GPAT2: variants seen among roughly 807,000 people sequenced by gnomAD.
GPAT2 encodes the protein 1-acylglycerol-3-phosphate O-acyltransferase GPAT2.
GPAT2 carries 51 observed loss-of-function variants against 71.0 expected under a neutral mutation model. The ratio of observed to expected loss-of-function variants is 0.72; its 90% CI spans 0.57 to 0.91. GPAT2 has a LOEUF of 0.91. Among genes scored for constraint, GPAT2 ranks in the 40% least tolerant of loss-of-function variants. The pLI, the probability that GPAT2 is intolerant of heterozygous loss-of-function variation, is 0.00. For synonymous variants in GPAT2, 222 were observed against 290.3 expected (o/e 0.76, Z 2.39); for missense variants, 511 against 666.0 (o/e 0.77, Z 2.56).
Position 96,022,175 on chromosome 2 carries a change from T to G in GPAT2, c.2390A>C (p.Gln797Pro). Residue 797 changes from glutamine to proline, a missense_variant, in exon 22 of 22, where the codon CAG becomes CCG. By Grantham distance (76) the Gln-to-Pro change is moderately conservative (BLOSUM62 -1). Coordinates refer to ENST00000434632, the MANE Select transcript of GPAT2 (RefSeq NM_001321527.2). ...CTCACAGTTCTAGCTACAAATGAAC[T>G]GCCGGATGAACTGTTCTAGTTTTTC... is the stretch of plus-strand genomic sequence containing the variant. ...NQEKLEQFIRQFICS is the reference protein window; with the variant it reads ...NQEKLEQFIRPFICS 2 of 1,610,832 alleles carry G rather than the reference T, an allele frequency of 1.2e-6. No individual in the cohort carries two copies. Among genetic ancestry groups the G allele is most frequent in the Middle Eastern group, 4.5e-4 (2 of 4,464 alleles).
At chr2:96,023,722 G>A in intron 17 of GPAT2, 1 of 1,051,034 alleles carries the variant, frequency 9.5e-7, no homozygotes, top group Non-Finnish European at 1.4e-6. Context: ...GAGACACACA[G>A]AACCGGGGCA....
chr2:96,022,397 T>C (rs1241860819), intron 21 of GPAT2, 122 bp from the exon 22 acceptor site: 1 of 1,239,302 alleles, frequency 8.1e-7, no homozygotes, highest in Non-Finnish European at 1.1e-6. Context: ...GACCTCAATG[T>C]TTGCGTGCAA....
rs561731912 is a variant in GPAT2, at chr2:96,022,173, A to C, written c.2392T>G (p.Phe798Val). ...QEKLEQFIRQ[F>V]ICS ...TCCTCACAGTTCTAGCTACAAATGA[A>C]CTGCCGGATGAACTGTTCTAGTTTT... The change falls in exon 22 of 22, where the codon TTC becomes GTC. Residue 798 changes from phenylalanine to valine, a missense_variant. Around this residue, in one of 7 missense-constraint regions of GPAT2, gnomAD observed 108 missense variants for 117.6 expected, o/e 0.92. Transcript: ENST00000434632. The C allele has an allele frequency of 6.2e-7, 1 of 1,610,858 alleles. No individual in the cohort carries two copies. The highest frequency in any genetic ancestry group is 8.5e-7 in the Non-Finnish European group (1 of 1,179,348).
At position 96,024,851 on chromosome 2, in the gene GPAT2, G is replaced by C; in HGVS notation, c.1358-8C>G. On this transcript the variant is annotated splice_region_variant and splice_polypyrimidine_tract_variant and intron_variant, in intron 13 of 21. Coordinates refer to ENST00000434632, the MANE Select transcript of GPAT2 (RefSeq NM_001321527.2). ...CAGAGCTCCCTACACTGGCTGGAGT[G>C]GGGCGGGGGGTGGAGATGCTGGTCA... is the stretch of plus-strand genomic sequence containing the variant. 8.1e-6 allele frequency: 13 copies of C among 1,612,444 alleles called. No individual in the cohort carries two copies. Among genetic ancestry groups the C allele is most frequent in the Non-Finnish European group, 1.0e-5 (12 of 1,179,926 alleles).
chr2:96,026,267 A>G lies in GPAT2; in HGVS notation c.1071T>C (p.Ala357=). 6.2e-7 allele frequency: 1 copy of G among 1,601,992 alleles called. No homozygotes were observed. The highest frequency in any genetic ancestry group is 8.5e-7 in the Non-Finnish European group (1 of 1,175,400). ...AGCGGCTCCACAAGCTACGTAGGAC[A>G]GCCAGAGCTCCTGTCCACAGCCCCA... ...APLGLWTGAL[A]VLRSLWSRWG... Residue 357 remains alanine (A), a synonymous_variant, in exon 11 of 22, where the codon GCT becomes GCC. Transcript: ENST00000434632.
rs191366867 is a variant in GPAT2 at position 96,024,784 on chromosome 2, T to G, written c.1417A>C (p.Lys473Gln). ...ATTGCACCCCCTACCTTCTGATGCT[T>G]GAAGAGCAGCAGCGTTGCCATAATG... ...TAIMATLLLF[K>Q]HQKGVFLSQL... is the part of the protein sequence containing the mutation. The change falls in exon 14 of 22, where the codon AAG (lysine) becomes CAG (glutamine). Residue 473 changes from lysine to glutamine, a missense_variant. By Grantham distance (53) the Lys-to-Gln change is moderately conservative (BLOSUM62 1). Coordinates refer to ENST00000434632, the MANE Select transcript of GPAT2 (RefSeq NM_001321527.2). 3.8e-5 allele frequency: 61 copies of G among 1,613,838 alleles called. No homozygotes were observed. Among genetic ancestry groups the G allele is most frequent in the Non-Finnish European group, 4.6e-5 (54 of 1,179,964 alleles).
intron 12 of GPAT2, 47 bp from the exon 13 acceptor site, chr2:96,025,650 A>G: frequency 7.1e-7 from 1 of 1,414,694 alleles, no homozygotes; most frequent in Non-Finnish European, 9.6e-7. Context: ...AAACACAAAA[A>G]CAGCTGTGGG....
chr2:96,024,562 G>T lies in GPAT2; in HGVS notation c.1552C>A (p.Leu518Met). The change falls in exon 15 of 22, where the codon CTG becomes ATG. Residue 518 changes from leucine to methionine, a missense_variant. By Grantham distance (15) the Leu-to-Met change is conservative. Around this residue, in one of 7 missense-constraint regions of GPAT2, gnomAD observed 295 missense variants for 305.5 expected, o/e 0.97. Coordinates refer to ENST00000434632, the MANE Select transcript of GPAT2 (RefSeq NM_001321527.2). ...RSLLQHSLSL[L>M]RAHVALLRIR... ...CGCAGCAGGGCCACGTGCGCCCGCA[G>T]CAGGCTCAGTGAGTGCTGCAGCAGG... is the stretch of plus-strand genomic sequence containing the variant. 1 of 1,613,878 alleles carries T rather than the reference G, an allele frequency of 6.2e-7. No homozygotes were observed.
At chr2:96,025,789 C>T (rs890299481) in intron 12 of GPAT2, 141 bp downstream of exon 12, 15 of 1,177,932 alleles carry the variant, frequency 1.3e-5, no homozygotes, top group South Asian at 1.1e-4. Flanking sequence ...GTTGGCAAGG[C>T]GAGTACCTGG....
chr2:96,024,324 C>G lies in GPAT2; in HGVS notation c.1701G>C (p.Arg567=), dbSNP rs1449520204. 5 of 1,582,494 alleles carry G rather than the reference C, an allele frequency of 3.2e-6. No individual in the cohort carries two copies. The African/African-American group carries it at 6.7e-5, about 21-fold the overall frequency. ...LSEAVGACAV[R]GLLAGRVPPQ... Reference sequence around the variant, plus strand: ...GCGGCACTCTGCCTGCCAGCAGCCCCCGCACTGCACAGGCTGGGGGCGGAG... The same window carrying G: ...GCGGCACTCTGCCTGCCAGCAGCCCGCGCACTGCACAGGCTGGGGGCGGAG... Residue 567 remains arginine, a synonymous_variant, in exon 16 of 22, where the codon CGG becomes CGC. Transcript: ENST00000434632.
chr2:96,024,973 G>A lies in GPAT2; in HGVS notation c.1358-130C>T, dbSNP rs1037845818. Reference sequence around the variant, plus strand: ...CAGGGATGAGGAACGTACACCCGGAGCAGTGGTGTTTATCATCACACAGGC... The same window carrying A: ...CAGGGATGAGGAACGTACACCCGGAACAGTGGTGTTTATCATCACACAGGC... On this transcript the variant is annotated intron_variant, in intron 13 of 21. Transcript: ENST00000434632. The A allele has an allele frequency of 1.9e-5, 20 of 1,064,490 alleles. 1 individual carries two copies. In the East Asian group the frequency reaches 2.9e-4, roughly 15 times the overall value. The allele number at this position is 1,064,490 out of a possible 1,614,324, so 65.9% of individuals were successfully genotyped here.
At chr2:96,025,203 C>T (rs907884893) in intron 13 of GPAT2, 15 of 558,454 alleles carry the variant, frequency 2.7e-5, no homozygotes, top group African/African-American at 2.4e-4. Context: ...AAGGAGACTC[C>T]GCTCAGAAGG....
At chr2:96,023,286 A>G (rs763101418) in intron 18 of GPAT2, 23 bp downstream of exon 18, 2 of 1,613,926 alleles carry the variant, frequency 1.2e-6, no homozygotes, top group Non-Finnish European at 8.5e-7. Context: ...ACCTCCCTCC[A>G]GGGGCAGCTT....
At chr2:96,024,927 C>A (rs1680228202) in intron 13 of GPAT2, 84 bp from the exon 14 acceptor site, 2 of 1,452,644 alleles carry the variant, frequency 1.4e-6, no homozygotes, top group Non-Finnish European at 1.9e-6. Flanking sequence ...GTCTTCCTAG[C>A]CACACATCCC....
intron 21 of GPAT2, 46 bp from the exon 22 acceptor site, chr2:96,022,321 G>GT: frequency 2.0e-6 from 3 of 1,523,464 alleles, no homozygotes; most frequent in Non-Finnish European, 1.8e-6. Flanking sequence ...CACAGGGACT[G>GT]TGTACACATG....
chr2:96,025,656 G>A, intron 12 of GPAT2, 53 bp from the exon 13 acceptor site: 3 of 1,357,376 alleles, frequency 2.2e-6, no homozygotes, highest in Middle Eastern at 2.4e-4. Context: ...AAAAACAGCT[G>A]TGGGAATGCC....
At chr2:96,023,854 C>T in intron 17 of GPAT2, 69 bp downstream of exon 17, 1 of 1,538,624 alleles carries the variant, frequency 6.5e-7, no homozygotes, top group East Asian at 2.4e-5. Flanking sequence ...GGGCAGCTGG[C>T]ACTCAGGGTG....
intron 16 of GPAT2, 38 bp from the exon 17 acceptor site, chr2:96,024,038 C>A (rs1326414659): frequency 6.3e-7 from 1 of 1,575,634 alleles, no homozygotes; most frequent in Non-Finnish European, 8.6e-7. Context: ...TCAGGAGAGC[C>A]AGGCACATGG....
intron 21 of GPAT2, 40 bp from the exon 22 acceptor site, chr2:96,022,315 G>C (rs1488084015): frequency 6.5e-7 from 1 of 1,546,838 alleles, no homozygotes; most frequent in Non-Finnish European, 8.7e-7. Context: ...GCTCACCACA[G>C]GGACTGTGTA....
Sources: allele counts gnomAD v4.1 joint callset, GRCh38; gene constraint gnomAD v4.1.1; regional missense constraint gnomAD v4.1.1; transcripts MANE v1.5; gene names NCBI Gene and HGNC (gene_info 2026-07-23, HGNC 2026-07-21).